Variants in WWOX observed in about 807,000 individuals in gnomAD.
The protein encoded by WWOX is WW domain containing oxidoreductase.
Under a neutral mutation model 46.2 loss-of-function variants are expected in WWOX, and 69 were observed. The observed-to-expected ratio is 1.49, with a 90% CI of 1.23 to 1.82. The LOEUF (loss-of-function observed/expected upper bound fraction) is 1.82, where lower values mean the gene tolerates loss of function less well. Ranked by LOEUF, WWOX falls within the 40% of genes most tolerant of loss-of-function variation. WWOX has a pLI of 0.00. For synonymous variants in WWOX, 359 were observed against 202.6 expected (o/e 1.77, Z -6.56); for missense variants, 919 against 542.6 (o/e 1.69, Z -6.89).
At chr16:78,793,314 G>T (rs1037122821) in intron 8 of WWOX, among the ~76,000 whole-genome samples, 1 of 152,162 alleles carries the variant, frequency 6.6e-6, no homozygotes, top group Non-Finnish European at 1.5e-5. Context: ...GCCTGCCTCA[G>T]CCTCCCAGAG....
intron 8 of WWOX, among the ~76,000 whole-genome samples, chr16:78,734,365 C>T (rs1024761748): frequency 3.9e-5 from 6 of 152,074 alleles, no homozygotes; most frequent in African/African-American, 9.7e-5. Context: ...ATATTTATAT[C>T]GCTGTTTGGC....
chr16:79,071,266 T>C (rs1167077310), intron 8 of WWOX, among the ~76,000 whole-genome samples: 3 of 152,230 alleles, frequency 2.0e-5, no homozygotes, highest in African/African-American at 7.2e-5. Context: ...GCTACATACA[T>C]TTTTGACAAC....
intron 5 of WWOX, among the ~76,000 whole-genome samples, chr16:78,321,824 G>A (rs1480098319): frequency 1.3e-5 from 2 of 152,160 alleles, no homozygotes; most frequent in Non-Finnish European, 2.9e-5. Context: ...TCTAAAGAGC[G>A]ACGCTTGGAG....
At chr16:78,430,775 C>G (rs1597074282) in intron 7 of WWOX, among the ~76,000 whole-genome samples, 1 of 152,142 alleles carries the variant, frequency 6.6e-6, no homozygotes, top group Admixed American at 6.5e-5. Flanking sequence ...TTTAGAGCAG[C>G]TATGTCATTT....
intron 8 of WWOX, chr16:78,780,441 AC>A (rs1173646092): frequency 1.4e-4 from 22 of 152,304 alleles, no homozygotes; most frequent in African/African-American, 4.8e-4. Context: ...AAAATGATAA[AC>A]AAGTCAAAAA....
rs532438002 is a variant in WWOX at position 78,431,912 on chromosome 16, C to T, written c.792-576C>T. ...TTTATTTTTTGTAGACATGGTGTCT[C>T]CCTATGTTGCCTAAGCTGGTCTTGA... On this transcript the variant is annotated intron_variant, in intron 7 of 8. Transcript: ENST00000566780. Among the ~76,000 whole-genome samples the T allele has an allele frequency of 2.0e-5, 3 of 151,956 alleles. No individual in the cohort carries two copies. The South Asian group carries it at 6.2e-4, about 32-fold the overall frequency.
At chr16:78,234,921 T>C (rs1197283052) in intron 5 of WWOX, among the ~76,000 whole-genome samples, 1 of 152,074 alleles carries the variant, frequency 6.6e-6, no homozygotes, top group Non-Finnish European at 1.5e-5. Context: ...TTTCTTTTTT[T>C]TCTAACTGAG....
intron 4 of WWOX, among the ~76,000 whole-genome samples, chr16:78,117,771 C>A (rs936839987): frequency 6.6e-6 from 1 of 152,262 alleles, no homozygotes; most frequent in Middle Eastern, 3.4e-3. Context: ...ACTTCTGGGG[C>A]ATTCAGGAGT....
intron 5 of WWOX, among the ~76,000 whole-genome samples, chr16:78,317,803 A>T (rs1312089521): frequency 6.6e-6 from 1 of 152,160 alleles, no homozygotes; most frequent in Non-Finnish European, 1.5e-5. Context: ...ATGACATCCA[A>T]GGACTTGGTG....
intron 8 of WWOX, among the ~76,000 whole-genome samples, chr16:78,867,835 C>G (rs1437946711): frequency 1.3e-5 from 2 of 152,226 alleles, no homozygotes; most frequent in African/African-American, 2.4e-5. Context: ...AATTCTAGCC[C>G]CAGACCATGA....
intron 8 of WWOX, among the ~76,000 whole-genome samples, chr16:78,450,458 C>A (rs1419134592): frequency 1.3e-5 from 2 of 152,122 alleles, no homozygotes; most frequent in Non-Finnish European, 2.9e-5. Context: ...TCCAAGTAAT[C>A]TGAGCTAGAA....
intron 8 of WWOX, among the ~76,000 whole-genome samples, chr16:79,046,333 T>C (rs780040971): frequency 3.3e-5 from 5 of 152,176 alleles, no homozygotes; most frequent in Non-Finnish European, 7.3e-5. Flanking sequence ...CAAGAAAAAT[T>C]AGTCATTCTC....
chr16:78,479,365 A>T (rs1264754000), intron 8 of WWOX, among the ~76,000 whole-genome samples: 1 of 152,252 alleles, frequency 6.6e-6, no homozygotes, highest in Non-Finnish European at 1.5e-5. Flanking sequence ...GCAAAGACCT[A>T]ACTCAGCCTG....
intron 8 of WWOX, among the ~76,000 whole-genome samples, chr16:78,636,237 TGCAAG>T (rs758155619): frequency 2.6e-5 from 4 of 152,160 alleles, no homozygotes; most frequent in Non-Finnish European, 2.9e-5. Context: ...TAGTCCCAAA[TGCAAG>T]GGGAGGGAGC....
intron 5 of WWOX, among the ~76,000 whole-genome samples, chr16:78,223,946 T>C (rs1597371327): frequency 6.6e-6 from 1 of 152,198 alleles, no homozygotes; most frequent in Admixed American, 6.5e-5. Context: ...AAGTGACTGC[T>C]GAAGTACACA....
chr16:78,826,993 T>G (rs2051675467), intron 8 of WWOX, among the ~76,000 whole-genome samples: 1 of 152,120 alleles, frequency 6.6e-6, no homozygotes. Flanking sequence ...CCAGCCGGGT[T>G]TAGATTATTT....
chr16:78,771,484 A>G (rs2050063288), intron 8 of WWOX, among the ~76,000 whole-genome samples: 1 of 152,198 alleles, frequency 6.6e-6, no homozygotes. Flanking sequence ...AAAAATGCTT[A>G]AAATGCGCTG....
At chr16:78,821,931 G>A (rs577653826) in intron 8 of WWOX, among the ~76,000 whole-genome samples, 1 of 152,076 alleles carries the variant, frequency 6.6e-6, no homozygotes, top group Non-Finnish European at 1.5e-5. Flanking sequence ...TCAGGCTAGA[G>A]TGCTGTGGCA....
At chr16:78,748,404 G>T (rs2049399774) in intron 8 of WWOX, among the ~76,000 whole-genome samples, 1 of 152,104 alleles carries the variant, frequency 6.6e-6, no homozygotes, top group Admixed American at 6.6e-5. Flanking sequence ...TATTTACTGG[G>T]CATTTTTCCA....
Sources: allele counts gnomAD v4.1 joint callset (sites outside exome capture counted in the v4.1 genomes callset), GRCh38; gene constraint gnomAD v4.1.1; transcripts MANE v1.5; gene names NCBI Gene and HGNC (gene_info 2026-07-23, HGNC 2026-07-21).